The following PARVA variants were observed in gnomAD, a reference collection of about 807,000 sequenced individuals.
PARVA encodes the protein alpha-parvin.
A neutral mutation model predicts 52.6 loss-of-function variants in PARVA; 25 were observed. The observed-to-expected ratio is 0.48, with a 90% CI of 0.35 to 0.66. PARVA has a LOEUF of 0.66. PARVA is among the 30% of genes least tolerant of loss of function. PARVA has a pLI of 0.01. For missense variants in PARVA, 373 were observed against 450.9 expected, an observed-to-expected ratio of 0.83 and a Z score of 1.56; for synonymous variants, 185 against 179.1, an observed-to-expected ratio of 1.03 and a Z score of -0.26.
intron 1 of PARVA, among the ~76,000 whole-genome samples, chr11:12,457,765 C>T (rs1014164828): frequency 1.3e-5 from 2 of 151,678 alleles, no homozygotes; most frequent in African/African-American, 4.8e-5. Context: ...TTGGACCACT[C>T]AAAATAGTGG....
intron 4 of PARVA, among the ~76,000 whole-genome samples, chr11:12,487,467 A>T (rs1941174034): frequency 3.3e-5 from 5 of 152,242 alleles, no homozygotes; most frequent in Admixed American, 3.3e-4. Context: ...TGCAGCTGTT[A>T]AAAGCAATTA....
chr11:12,433,379 T>G (rs899756482), intron 1 of PARVA, among the ~76,000 whole-genome samples: 1 of 152,246 alleles, frequency 6.6e-6, no homozygotes, highest in East Asian at 1.9e-4. Context: ...ATCAGCTGCT[T>G]CTTAAAATTA....
chr11:12,517,462 G>C, intron 10 of PARVA, 148 bp from the exon 11 acceptor site: 1 of 646,686 alleles, frequency 1.5e-6, no homozygotes, highest in Non-Finnish European at 2.8e-6. Context: ...AGACCTCCTT[G>C]TCTCGGGCCA....
intron 1 of PARVA, among the ~76,000 whole-genome samples, chr11:12,379,131 A>T (rs1939448089): frequency 6.6e-6 from 1 of 152,020 alleles, no homozygotes; most frequent in Admixed American, 6.5e-5. Context: ...CGCTGCTGGG[A>T]GTGTATCAGT....
chr11:12,429,015 T>C (rs1233971335), intron 1 of PARVA, among the ~76,000 whole-genome samples: 1 of 152,180 alleles, frequency 6.6e-6, no homozygotes, highest in Non-Finnish European at 1.5e-5. Flanking sequence ...TCTCTCTCTG[T>C]TGCCTAGGCT....
rs187177749 is a variant in PARVA, at chr11:12,474,633, G to A, written c.297+650G>A. Among the ~76,000 whole-genome samples the A allele has an allele frequency of 1.6e-4, 24 of 152,226 alleles. No individual in the cohort carries two copies. In the East Asian group the frequency reaches 4.4e-3, roughly 28 times the overall value. On this transcript the variant is annotated intron_variant, in intron 3 of 12. Coordinates refer to ENST00000334956, the MANE Select transcript of PARVA (RefSeq NM_018222.5). ...GGATCACTTGAGCTCAGGAGTTCGA[G>A]ACCAGCCTGGGCAATGCGATGAAAC...
intron 4 of PARVA, among the ~76,000 whole-genome samples, chr11:12,485,526 G>T (rs564104111): frequency 9.2e-5 from 14 of 152,298 alleles, no homozygotes; most frequent in African/African-American, 3.4e-4. Flanking sequence ...ACCTGAGGGA[G>T]CTCCCAGTGG....
intron 1 of PARVA, among the ~76,000 whole-genome samples, chr11:12,435,721 T>A (rs1369091464): frequency 6.6e-6 from 1 of 152,148 alleles, no homozygotes; most frequent in Non-Finnish European, 1.5e-5. Context: ...AAATTTAGAA[T>A]CCCTCTCTCC....
At chr11:12,406,669 T>TG (rs1939913981) in intron 1 of PARVA, among the ~76,000 whole-genome samples, 1 of 97,750 alleles carries the variant, frequency 1.0e-5, no homozygotes, top group Non-Finnish European at 2.1e-5. Context: ...CTGTTTTTTT[T>TG]TTTTTTTTTT....
rs1940639505 is a variant in PARVA at position 12,452,686 on chromosome 11, T to C, written c.137-21059T>C. On this transcript the variant is annotated intron_variant, in intron 1 of 12. Coordinates refer to ENST00000334956, the MANE Select transcript of PARVA (RefSeq NM_018222.5). Reference sequence around the variant, plus strand: ...CCTACCCTGCTCTACAGGTAACTTATACCCCGAATGAGCAGAAACAAGCAG... The same window carrying C: ...CCTACCCTGCTCTACAGGTAACTTACACCCCGAATGAGCAGAAACAAGCAG... The C allele has an allele frequency of 1.3e-5, 3 of 223,330 alleles. No homozygotes were observed. In the South Asian group the frequency reaches 2.1e-4, roughly 15 times the overall value. 13.8% of individuals were successfully genotyped at this position (223,330 alleles called of 1,614,324 possible).
upstream of PARVA, chr11:12,377,416 G>T (rs181030528): frequency 1.5e-6 from 2 of 1,368,874 alleles, no homozygotes; most frequent in African/African-American, 1.5e-5. Flanking sequence ...GGCAACCCAG[G>T]GGCGCAAGGC....
intron 1 of PARVA, among the ~76,000 whole-genome samples, chr11:12,381,795 C>T (rs931889157): frequency 5.3e-5 from 8 of 152,150 alleles, no homozygotes. Context: ...TTTACATTGT[C>T]TGACTGAAAT....
At chr11:12,439,844 G>C in intron 1 of PARVA, among the ~76,000 whole-genome samples, 1 of 152,136 alleles carries the variant, frequency 6.6e-6, no homozygotes, top group East Asian at 1.9e-4. Context: ...CTATGTATTT[G>C]CATAACTGGC....
intron 1 of PARVA, among the ~76,000 whole-genome samples, chr11:12,430,677 T>C (rs1013740887): frequency 6.6e-6 from 1 of 152,172 alleles, no homozygotes; most frequent in African/African-American, 2.4e-5. Flanking sequence ...CTCACCCTTA[T>C]TTTCCCTTAT....
At chr11:12,438,142 C>G (rs1180903538) in intron 1 of PARVA, among the ~76,000 whole-genome samples, 1 of 151,962 alleles carries the variant, frequency 6.6e-6, no homozygotes, top group Admixed American at 6.6e-5. Context: ...CGCCTGTAGT[C>G]CCAGCTACTT....
intron 1 of PARVA, among the ~76,000 whole-genome samples, chr11:12,422,629 A>C (rs7933643): frequency 0.46 from 69,483 of 151,998 alleles, 16,017 homozygotes; most frequent in East Asian, 0.55. Flanking sequence ...GTGTAATGCA[A>C]CTATAAAGTG....
chr11:12,439,072 CTG>C (rs1167107861), intron 1 of PARVA, among the ~76,000 whole-genome samples: 1 of 152,156 alleles, frequency 6.6e-6, no homozygotes, highest in Admixed American at 6.5e-5. Context: ...ATGAATAAGA[CTG>C]TGTTTGGGAT....
intron 1 of PARVA, among the ~76,000 whole-genome samples, chr11:12,416,727 T>G (rs1431266289): frequency 7.3e-6 from 1 of 136,758 alleles, no homozygotes; most frequent in Non-Finnish European, 1.5e-5. Flanking sequence ...AGAGGAAAGA[T>G]AGGGAGGAGG....
chr11:12,498,216 A>G (rs1341872531), intron 5 of PARVA, among the ~76,000 whole-genome samples: 1 of 151,660 alleles, frequency 6.6e-6, no homozygotes, highest in African/African-American at 2.4e-5. Context: ...TTTGTATTTT[A>G]CTAGAGACAG....
Sources: gnomAD v4.1 joint callset for allele counts (sites outside exome capture counted in the v4.1 genomes callset) on GRCh38, gnomAD v4.1.1 for gene constraint, MANE v1.5 for transcripts, NCBI Gene and HGNC (gene_info 2026-07-23, HGNC 2026-07-21) for gene names.